FRMD4A: variants seen among roughly 807,000 people sequenced by gnomAD.
FRMD4A encodes FERM domain containing 4A.
FRMD4A carries 29 observed loss-of-function variants against 129.1 expected under a neutral mutation model. The observed-to-expected ratio is 0.22, with a 90% confidence interval of 0.17 to 0.31. FRMD4A has a LOEUF of 0.31. Among genes scored for constraint, FRMD4A ranks in the 10% least tolerant of loss-of-function variants. FRMD4A has a pLI of 1.00. For synonymous variants in FRMD4A, 634 were observed against 571.6 expected (o/e 1.11, Z -1.56); for missense variants, 1,272 against 1,375.8 (o/e 0.92, Z 1.19).
At chr10:13,958,281 GTTTTTTTTT>G (rs35369777) in intron 2 of FRMD4A, among the ~76,000 whole-genome samples, 1 of 104,660 alleles carries the variant, frequency 9.6e-6, no homozygotes, top group Non-Finnish European at 1.8e-5. Context: ...CATGACCATT[GTTTTTTTTT>G]TTTTTTTTTT....
intron 2 of FRMD4A, among the ~76,000 whole-genome samples, chr10:13,963,067 C>T (rs1055769642): frequency 2.0e-5 from 3 of 152,006 alleles, no homozygotes; most frequent in Non-Finnish European, 2.9e-5. Context: ...AATATGTTTC[C>T]GTGTCAATTT....
At chr10:14,215,575 G>A (rs1843049300) in intron 2 of FRMD4A, among the ~76,000 whole-genome samples, 1 of 152,142 alleles carries the variant, frequency 6.6e-6, no homozygotes, top group Non-Finnish European at 1.5e-5. Context: ...CATTAAGGAA[G>A]TGGGGGGAAA....
intron 15 of FRMD4A, chr10:13,684,671 A>C: frequency 1.0e-6 from 1 of 985,404 alleles, no homozygotes; most frequent in South Asian, 4.7e-5. Flanking sequence ...GGACGTTGTC[A>C]GGAGCCACGC....
chr10:13,955,943 T>C (rs923813559), intron 2 of FRMD4A, among the ~76,000 whole-genome samples: 2 of 152,216 alleles, frequency 1.3e-5, no homozygotes, highest in Non-Finnish European at 2.9e-5. Context: ...AAATCGGTTA[T>C]GCATGTGAAA....
intron 2 of FRMD4A, chr10:14,008,594 T>G (rs528316090): frequency 2.6e-6 from 2 of 774,518 alleles, no homozygotes; most frequent in African/African-American, 3.8e-5. Context: ...TTCCATCACG[T>G]GACTCCCAAG....
chr10:14,229,225 C>A (rs1371823010), intron 2 of FRMD4A, among the ~76,000 whole-genome samples: 1 of 151,650 alleles, frequency 6.6e-6, no homozygotes, highest in Non-Finnish European at 1.5e-5. Flanking sequence ...TTTTTAAAAA[C>A]CTACTTAAGA....
At chr10:13,880,458 T>C (rs1294958309) in intron 2 of FRMD4A, among the ~76,000 whole-genome samples, 1 of 152,224 alleles carries the variant, frequency 6.6e-6, no homozygotes, top group Non-Finnish European at 1.5e-5. Context: ...TGCTTCCAAC[T>C]CTGCCCACCT....
rs1387149906 is a variant in FRMD4A at position 13,864,686 on chromosome 10, C to T, written c.46-5774G>A. 2.6e-5 allele frequency among the ~76,000 whole-genome samples: 4 copies of T among 151,664 alleles called. No individual in the cohort carries two copies. In the East Asian group the frequency reaches 5.8e-4, roughly 22 times the overall value. ...TGCCTCCTGAGTTCATGCGATTCTC[C>T]TGCCTCAGCCTCCCGAGTAGCTGGG... On this transcript the variant is annotated intron_variant, in intron 2 of 24. Coordinates refer to ENST00000357447, the MANE Select transcript of FRMD4A (RefSeq NM_018027.5).
intron 2 of FRMD4A, among the ~76,000 whole-genome samples, chr10:14,127,407 G>A (rs189081789): frequency 2.2e-4 from 33 of 152,250 alleles, no homozygotes; most frequent in African/African-American, 7.0e-4. Flanking sequence ...CTGAGTCCCC[G>A]TCCTGCGAGG....
intron 2 of FRMD4A, among the ~76,000 whole-genome samples, chr10:13,927,961 A>G (rs1262528380): frequency 6.6e-6 from 1 of 151,742 alleles, no homozygotes; most frequent in Non-Finnish European, 1.5e-5. Context: ...TCAATGATCC[A>G]TTTTTAAAAA....
At chr10:14,137,955 G>T (rs1248331588) in intron 2 of FRMD4A, among the ~76,000 whole-genome samples, 1 of 152,104 alleles carries the variant, frequency 6.6e-6, no homozygotes, top group Non-Finnish European at 1.5e-5. Flanking sequence ...GAACAGAGCT[G>T]CTCTGCAATC....
chr10:13,969,011 C>T (rs765614104), intron 2 of FRMD4A, among the ~76,000 whole-genome samples: 11 of 152,200 alleles, frequency 7.2e-5, no homozygotes, highest in East Asian at 1.9e-4. Context: ...GTCTTTAAAA[C>T]GGCCCTGGTT....
chr10:14,242,022 T>C (rs764182230), intron 2 of FRMD4A, among the ~76,000 whole-genome samples: 21 of 152,164 alleles, frequency 1.4e-4, no homozygotes, highest in Non-Finnish European at 2.4e-4. Flanking sequence ...GATGCTCTAG[T>C]GGATATCAGC....
At chr10:13,776,763 T>C (rs2092605664) in intron 6 of FRMD4A, among the ~76,000 whole-genome samples, 1 of 152,170 alleles carries the variant, frequency 6.6e-6, no homozygotes, top group Non-Finnish European at 1.5e-5. Context: ...AGGGAGCAGA[T>C]ACTAAACCTA....
chr10:13,807,891 C>T (rs193011887), intron 4 of FRMD4A, among the ~76,000 whole-genome samples: 16 of 152,048 alleles, frequency 1.1e-4, no homozygotes, highest in Non-Finnish European at 5.9e-5. Context: ...CTCTGCCTCC[C>T]GGGTTCAAGC....
chr10:13,950,179 A>G (rs1382789004), intron 2 of FRMD4A, among the ~76,000 whole-genome samples: 1 of 152,232 alleles, frequency 6.6e-6, no homozygotes, highest in Non-Finnish European at 1.5e-5. Flanking sequence ...CCTGTCCCAG[A>G]TGAGTGGCTT....
chr10:13,781,833 GA>G (rs36065586), intron 6 of FRMD4A, among the ~76,000 whole-genome samples: 118,221 of 152,062 alleles, frequency 0.78, 46,654 homozygotes, highest in East Asian at 0.95. Context: ...CGGGGAAGGG[GA>G]AGTTGTTTAA....
At chr10:13,889,409 G>A (rs1463171757) in intron 2 of FRMD4A, among the ~76,000 whole-genome samples, 2 of 152,170 alleles carry the variant, frequency 1.3e-5, no homozygotes, top group African/African-American at 4.8e-5. Flanking sequence ...TAACTTCGCT[G>A]TGACAATAAC....
At chr10:14,145,803 G>GC (rs1840045704) in intron 2 of FRMD4A, among the ~76,000 whole-genome samples, 1 of 152,074 alleles carries the variant, frequency 6.6e-6, no homozygotes, top group African/African-American at 2.4e-5. Flanking sequence ...GAGAGAAACT[G>GC]ACCAAAAACA....
Sources: allele counts gnomAD v4.1 joint callset (sites outside exome capture counted in the v4.1 genomes callset), GRCh38; gene constraint gnomAD v4.1.1; transcripts MANE v1.5; gene names NCBI Gene and HGNC (gene_info 2026-07-23, HGNC 2026-07-21).